Variants in ALCAM observed in about 807,000 individuals in gnomAD.
ALCAM encodes the protein activated leukocyte cell adhesion molecule.
Under a neutral mutation model 70.9 loss-of-function variants are expected in ALCAM, and 30 were observed. That is an observed-to-expected ratio of 0.42 (90% CI 0.32 to 0.57). The LOEUF (loss-of-function observed/expected upper bound fraction) is 0.57. ALCAM is among the 20% of genes least tolerant of loss of function. The pLI is 0.11. For missense variants in ALCAM, 591 were observed against 695.1 expected (o/e 0.85, Z 1.68); for synonymous variants, 249 against 242.5 (o/e 1.03, Z -0.25).
chr3:105,524,228 A>C, intron 2 of ALCAM, 61 bp from the exon 3 acceptor site: 1 of 1,361,668 alleles, frequency 7.3e-7, no homozygotes, highest in Non-Finnish European at 1.0e-6. Context: ...GTTATTTTGA[A>C]TGTAATCCTG....
At chr3:105,432,979 G>A (rs1278794304) in intron 1 of ALCAM, among the ~76,000 whole-genome samples, 1 of 152,014 alleles carries the variant, frequency 6.6e-6, no homozygotes, top group Non-Finnish European at 1.5e-5. Context: ...AAGATTTTCA[G>A]GTATATTAAG....
rs62262159 is a variant in ALCAM, at chr3:105,396,484, G to A, written c.73+29003G>A. 9.2e-4 allele frequency among the ~76,000 whole-genome samples: 140 copies of A among 152,074 alleles called. No individual in the cohort carries two copies. The Middle Eastern group carries it at 0.017, about 18-fold the overall frequency. ...GGAGAAAGAGACAAAACTGAGAAAC[G>A]GGACAAGATTACTAGAAACTTACTG... On this transcript the variant is annotated intron_variant, in intron 1 of 15. Transcript: ENST00000306107.
chr3:105,505,743 A>T (rs1161419198), intron 1 of ALCAM, among the ~76,000 whole-genome samples: 1 of 152,230 alleles, frequency 6.6e-6, no homozygotes, highest in Non-Finnish European at 1.5e-5. Context: ...ATAACTTATT[A>T]AATTCTAATC....
At chr3:105,381,744 C>T (rs1237585316) in intron 1 of ALCAM, among the ~76,000 whole-genome samples, 2 of 151,570 alleles carry the variant, frequency 1.3e-5, no homozygotes, top group East Asian at 3.9e-4. Context: ...TCAGAGTCTA[C>T]ACAATAATAA....
chr3:105,486,957 C>CATTTATTTATTTATTT (rs9288808), intron 1 of ALCAM, among the ~76,000 whole-genome samples: 38,843 of 148,630 alleles, frequency 0.26, 5,525 homozygotes, highest in South Asian at 0.4. Flanking sequence ...GAGCATAAGA[C>CATTTATTTATTTATTT]ATTTATTTAT....
chr3:105,565,909 A>T (rs547374424), intron 14 of ALCAM, among the ~76,000 whole-genome samples: 4 of 152,142 alleles, frequency 2.6e-5, no homozygotes, highest in African/African-American at 9.7e-5. Context: ...GCCAAGTATG[A>T]TTTCTGCCTT....
chr3:105,525,300 C>T (rs1415386779), intron 3 of ALCAM: 1 of 980,482 alleles, frequency 1.0e-6, no homozygotes, highest in Non-Finnish European at 1.2e-6. Context: ...CTAATGATAG[C>T]ATATAGTTAA....
chr3:105,569,592 T>G (rs1182661874), intron 14 of ALCAM, among the ~76,000 whole-genome samples: 2 of 152,154 alleles, frequency 1.3e-5, no homozygotes, highest in Non-Finnish European at 2.9e-5. Context: ...ACTAATATAT[T>G]AAGGAACAGT....
rs1940217454 is a variant in ALCAM at position 105,545,295 on chromosome 3, C to T, written c.1064C>T (p.Thr355Ile). The change falls in exon 9 of 16, where the codon ACA becomes ATA. Residue 355 changes from threonine (T) to isoleucine (I), a missense_variant. Thr to Ile is a moderately conservative substitution (Grantham distance 89). Transcript: ENST00000306107. ...GGTGATGCCCTACCCGTGTCATGCA[C>T]AATATCTGCTAGCAGGAATGCAACT... ...QIGDALPVSCTISASRNATVV... is the reference protein window; with the variant it reads ...QIGDALPVSCIISASRNATVV... The T allele has an allele frequency of 1.9e-6, 3 of 1,608,908 alleles. No homozygotes were observed. The African/African-American group carries it at 4.0e-5, about 22-fold the overall frequency.
intron 1 of ALCAM, among the ~76,000 whole-genome samples, chr3:105,450,994 C>T (rs562559106): frequency 8.6e-5 from 13 of 151,470 alleles, no homozygotes; most frequent in African/African-American, 3.2e-4. Flanking sequence ...AAAAAGTACA[C>T]CCAAAGGAGG....
rs1936617591 is a variant in ALCAM at position 105,420,386 on chromosome 3, G to A, written c.73+52905G>A. 3.3e-5 allele frequency among the ~76,000 whole-genome samples: 5 copies of A among 151,778 alleles called. 1 individual carries two copies. The highest frequency in any genetic ancestry group is 1.2e-4 in the African/African-American group (5 of 41,524). ...CTTTTTAAAGAAAATGACAGGTTCT[G>A]CACACTGGTATCTACTAAAAATGAA... On this transcript the variant is annotated intron_variant, in intron 1 of 15. Transcript: ENST00000306107.
intron 1 of ALCAM, among the ~76,000 whole-genome samples, chr3:105,490,619 G>C (rs940376885): frequency 5.9e-5 from 9 of 152,114 alleles, no homozygotes; most frequent in Admixed American, 2.0e-4. Flanking sequence ...TTAGGATTTA[G>C]GATATGGTTT....
chr3:105,443,422 C>T (rs551435716), intron 1 of ALCAM, among the ~76,000 whole-genome samples: 49 of 152,004 alleles, frequency 3.2e-4, no homozygotes, highest in South Asian at 1.9e-3. Context: ...ATTATGCACG[C>T]GAGCTTTCCA....
chr3:105,502,731 T>C (rs1938959705), intron 1 of ALCAM, among the ~76,000 whole-genome samples: 1 of 152,246 alleles, frequency 6.6e-6, no homozygotes, highest in African/African-American at 2.4e-5. Flanking sequence ...AAGCATTGTA[T>C]GTCAAGTCAA....
intron 1 of ALCAM, among the ~76,000 whole-genome samples, chr3:105,400,554 A>G (rs1936062558): frequency 6.6e-6 from 1 of 152,198 alleles, no homozygotes. Context: ...AGAGTAATAC[A>G]GTAATAATAA....
intron 1 of ALCAM, among the ~76,000 whole-genome samples, chr3:105,368,222 GAAGA>G (rs1449446326): frequency 7.4e-5 from 1 of 13,504 alleles, no homozygotes; most frequent in African/African-American, 2.2e-4. Context: ...CTGAGTCTTG[GAAGA>G]GAGAGAGAGA....
chr3:105,382,938 G>A (rs1022331785), intron 1 of ALCAM, among the ~76,000 whole-genome samples: 1 of 151,708 alleles, frequency 6.6e-6, no homozygotes, highest in African/African-American at 2.4e-5. Context: ...TCTTAATATA[G>A]CATTTAAAGT....
chr3:105,533,068 T>G (rs967962927), intron 4 of ALCAM, among the ~76,000 whole-genome samples: 1 of 152,194 alleles, frequency 6.6e-6, no homozygotes, highest in Non-Finnish European at 1.5e-5. Context: ...TTGTGTCATA[T>G]TAAATTTTAC....
intron 1 of ALCAM, among the ~76,000 whole-genome samples, chr3:105,386,554 T>C (rs1452483621): frequency 1.3e-5 from 2 of 151,460 alleles, no homozygotes; most frequent in South Asian, 2.1e-4. Context: ...TCCCTAGCAT[T>C]AGACCCTGCT....
Sources: allele counts gnomAD v4.1 joint callset (sites outside exome capture counted in the v4.1 genomes callset), GRCh38; gene constraint gnomAD v4.1.1; transcripts MANE v1.5; gene names NCBI Gene and HGNC (gene_info 2026-07-23, HGNC 2026-07-21).